The following SYTL3 variants were observed in gnomAD, a reference collection of about 807,000 sequenced individuals.
SYTL3 encodes the protein synaptotagmin-like protein 3.
A neutral mutation model predicts 82.1 loss-of-function variants in SYTL3; 88 were observed. The observed-to-expected ratio is 1.07, with a 90% CI of 0.90 to 1.28. The LOEUF is 1.28. Ranked by LOEUF, SYTL3 falls within the 50% of genes most tolerant of loss-of-function variation. The pLI, the probability that SYTL3 is intolerant of heterozygous loss-of-function variation, is 0.00. For missense variants in SYTL3, 831 were observed against 757.6 expected, an observed-to-expected ratio of 1.10 and a Z score of -1.14; for synonymous variants, 311 against 289.4, an observed-to-expected ratio of 1.07 and a Z score of -0.76.
intron 14 of SYTL3, among the ~76,000 whole-genome samples, chr6:158,760,354 T>G (rs1210224427): frequency 6.6e-6 from 1 of 152,218 alleles, no homozygotes; most frequent in African/African-American, 2.4e-5. Flanking sequence ...TAGAAATGTC[T>G]TAGGGAGTGT....
At chr6:158,703,005 T>G (rs1206531119) in intron 6 of SYTL3, among the ~76,000 whole-genome samples, 1 of 151,446 alleles carries the variant, frequency 6.6e-6, no homozygotes, top group Non-Finnish European at 1.5e-5. Context: ...ATACAAAAAA[T>G]TAGCCAGGTG....
At chr6:158,755,673 G>A (rs1466166749) in intron 13 of SYTL3, among the ~76,000 whole-genome samples, 2 of 152,206 alleles carry the variant, frequency 1.3e-5, no homozygotes, top group African/African-American at 4.8e-5. Flanking sequence ...CTCGTTCCTC[G>A]ATTGGAAAGA....
At chr6:158,697,732 A>G (rs1316944683) in intron 6 of SYTL3, among the ~76,000 whole-genome samples, 1 of 152,154 alleles carries the variant, frequency 6.6e-6, no homozygotes, top group African/African-American at 2.4e-5. Flanking sequence ...GATGCTGAAA[A>G]GCAGTTTAGA....
rs144279896 is a variant in SYTL3, at chr6:158,725,508, C to T, written c.726C>T (p.Val242=). ...TTCTGTTTTTCCTTCTCCAGAAGGT[C>T]AGTGCACCAGATATTCTGAAACCTC... is the stretch of plus-strand genomic sequence containing the variant. ...DTAVNVTTRK[V]SAPDILKPLN... Residue 242 remains valine, a synonymous_variant, in exon 11 of 18, where the codon GTC becomes GTT. Transcript: ENST00000611299. 5 of 1,613,304 alleles carry T rather than the reference C, an allele frequency of 3.1e-6. No individual in the cohort carries two copies. The highest frequency in any genetic ancestry group is 1.6e-4 in the Middle Eastern group (1 of 6,080).
intron 5 of SYTL3, among the ~76,000 whole-genome samples, chr6:158,674,606 TCCCC>T (rs1165385615): frequency 3.3e-5 from 5 of 152,134 alleles, no homozygotes; most frequent in Admixed American, 3.3e-4. Flanking sequence ...TCGTGGTGGA[TCCCC>T]CTTCTTAGGT....
intron 4 of SYTL3, among the ~76,000 whole-genome samples, chr6:158,664,402 G>A (rs556626107): frequency 2.0e-5 from 3 of 152,138 alleles, no homozygotes; most frequent in Non-Finnish European, 4.4e-5. Context: ...AAAATTAGCC[G>A]GGCGGTGGCA....
intron 5 of SYTL3, among the ~76,000 whole-genome samples, chr6:158,670,194 C>A (rs1451101851): frequency 6.6e-6 from 1 of 152,142 alleles, no homozygotes; most frequent in Non-Finnish European, 1.5e-5. Flanking sequence ...CTTTTATAAT[C>A]CCATGTTTTG....
At chr6:158,670,231 T>G (rs1023308070) in intron 5 of SYTL3, among the ~76,000 whole-genome samples, 1 of 152,226 alleles carries the variant, frequency 6.6e-6, no homozygotes, top group African/African-American at 2.4e-5. Context: ...TCATTTTATA[T>G]TCACAAAGGC....
Position 158,742,320 on chromosome 6 carries a change from AGAGAAT to A in SYTL3, c.856-3159_856-3154del, listed in dbSNP as rs553590116. 1.9e-3 allele frequency among the ~76,000 whole-genome samples: 282 copies of A among 152,366 alleles called. 1 individual carries two copies. The highest frequency in any genetic ancestry group is 6.6e-3 in the African/African-American group (275 of 41,584). The stretch of plus-strand genomic sequence containing the variant: ...TTTTTGCACTTTTATTATGCTTCAT[AGAGAAT>A]TTGCTTTTGCTCTTAACACACAGAG... On this transcript the variant is annotated intron_variant, in intron 11 of 17. Coordinates refer to ENST00000611299, the MANE Select transcript of SYTL3 (RefSeq NM_001242394.2).
chr6:158,674,586 C>T (rs1583191534), intron 5 of SYTL3, among the ~76,000 whole-genome samples: 1 of 152,192 alleles, frequency 6.6e-6, no homozygotes, highest in Non-Finnish European at 1.5e-5. Flanking sequence ...GCCTTCTCAT[C>T]GCCCCTCTGT....
At chr6:158,760,898 C>A (rs1045958413) in intron 15 of SYTL3, among the ~76,000 whole-genome samples, 153 bp downstream of exon 15, 4 of 152,174 alleles carry the variant, frequency 2.6e-5, no homozygotes, top group African/African-American at 9.7e-5. Flanking sequence ...AGCCATGCAG[C>A]GAGCCCGGGA....
At chr6:158,749,891 T>C (rs527630375) in intron 12 of SYTL3, among the ~76,000 whole-genome samples, 31 of 152,294 alleles carry the variant, frequency 2.0e-4, no homozygotes, top group African/African-American at 7.5e-4. Context: ...AATTGGTAAT[T>C]TGGCATCATC....
At chr6:158,665,901 G>A (rs1468739126) in intron 5 of SYTL3, among the ~76,000 whole-genome samples, 1 of 152,122 alleles carries the variant, frequency 6.6e-6, no homozygotes, top group Non-Finnish European at 1.5e-5. Context: ...CTGGAGCCCA[G>A]GAGTTTGAGT....
At chr6:158,646,815 C>G (rs777979125), upstream of SYTL3, among the ~76,000 whole-genome samples, 2 of 152,220 alleles carry the variant, frequency 1.3e-5, no homozygotes, top group Non-Finnish European at 2.9e-5. Context: ...GATTCTGATG[C>G]TGACATTGCT....
At chr6:158,677,653 C>T (rs1314993712) in intron 5 of SYTL3, among the ~76,000 whole-genome samples, 5 of 137,298 alleles carry the variant, frequency 3.6e-5, no homozygotes, top group African/African-American at 1.4e-4. Context: ...TGCAGTGAGC[C>T]GAGATCATGT....
intron 5 of SYTL3, among the ~76,000 whole-genome samples, chr6:158,673,337 C>T (rs1777618084): frequency 6.6e-6 from 1 of 151,970 alleles, no homozygotes; most frequent in African/African-American, 2.4e-5. Context: ...TCTTGGGTCT[C>T]CTGGGTTTTT....
chr6:158,727,142 G>A (rs899998891), intron 11 of SYTL3, among the ~76,000 whole-genome samples: 4 of 151,300 alleles, frequency 2.6e-5, no homozygotes, highest in African/African-American at 9.7e-5. Context: ...GAGCCACCAT[G>A]CCCAGCTGAA....
intron 2 of SYTL3, among the ~76,000 whole-genome samples, chr6:158,655,293 C>G (rs575310968): frequency 1.3e-5 from 2 of 152,252 alleles, no homozygotes; most frequent in African/African-American, 2.4e-5. Flanking sequence ...TTACTTCCTG[C>G]TGTACTTGAA....
chr6:158,752,039 T>A lies in SYTL3; in HGVS notation c.1137+9T>A, dbSNP rs1412158801. On this transcript the variant is annotated intron_variant, in intron 13 of 17. Coordinates refer to ENST00000611299, the MANE Select transcript of SYTL3 (RefSeq NM_001242394.2). Reference sequence around the variant, plus strand: ...TTCAGGAGACCTTGAAGGTACTTGCTGGACAGATATTCCTGTGCAGAGTCC... The same window carrying A: ...TTCAGGAGACCTTGAAGGTACTTGCAGGACAGATATTCCTGTGCAGAGTCC... 1.3e-6 allele frequency: 2 copies of A among 1,585,502 alleles called. No homozygotes were observed. The highest frequency in any genetic ancestry group is 1.7e-6 in the Non-Finnish European group (2 of 1,168,294).
Sources: gnomAD v4.1 joint callset for allele counts (sites outside exome capture counted in the v4.1 genomes callset) on GRCh38, gnomAD v4.1.1 for gene constraint, MANE v1.5 for transcripts, NCBI Gene and HGNC (gene_info 2026-07-23, HGNC 2026-07-21) for gene names.